CMIP: variants seen among roughly 807,000 people sequenced by gnomAD.
The protein encoded by CMIP is c-Maf inducing protein.
Under a neutral mutation model 97.3 loss-of-function variants are expected in CMIP, and 13 were observed. That is an observed-to-expected ratio of 0.13 (90% CI 0.09 to 0.21). CMIP has a LOEUF of 0.21. Among genes scored for constraint, CMIP ranks in the 10% least tolerant of loss-of-function variants. The pLI, the probability that CMIP is intolerant of heterozygous loss-of-function variation, is 1.00. For synonymous variants in CMIP, 538 were observed against 436.3 expected, an observed-to-expected ratio of 1.23 and a Z score of -2.91; for missense variants, 847 against 1,024.9, an observed-to-expected ratio of 0.83 and a Z score of 2.37.
At chr16:81,629,771 C>T (rs1054682290) in intron 3 of CMIP, among the ~76,000 whole-genome samples, 3 of 152,246 alleles carry the variant, frequency 2.0e-5, no homozygotes, top group Non-Finnish European at 2.9e-5. Flanking sequence ...GGGAGGCTTC[C>T]TAATGGCTGC....
At position 81,657,808 on chromosome 16, in the gene CMIP, A is replaced by G. The variant is rs778996586; in HGVS notation, c.673A>G (p.Ile225Val). 1.9e-6 allele frequency: 3 copies of G among 1,607,676 alleles called. No individual in the cohort carries two copies. The highest frequency in any genetic ancestry group is 2.5e-6 in the Non-Finnish European group (3 of 1,177,122). Reference sequence around the variant, plus strand: ...CTTGACCACCCAGGAGCATGAAAACATCATTGTGGTAAGTTCCTCTCGAAC... The same window carrying G: ...CTTGACCACCCAGGAGCATGAAAACGTCATTGTGGTAAGTTCCTCTCGAAC... ...TNLTTQEHEN[I>V]IVAIAPLLEN... is the part of the protein sequence containing the mutation. The change falls in exon 5 of 21, where the codon ATC (isoleucine) becomes GTC (valine). Residue 225 changes from isoleucine to valine, a missense_variant. By Grantham distance (29) the Ile-to-Val change is conservative (BLOSUM62 3). Coordinates refer to ENST00000537098, the MANE Select transcript of CMIP (RefSeq NM_198390.3).
chr16:81,604,266 C>G (rs890302056), intron 1 of CMIP, among the ~76,000 whole-genome samples: 9 of 151,120 alleles, frequency 6.0e-5, no homozygotes, highest in African/African-American at 2.2e-4. Context: ...CGTGGTGGCG[C>G]ACGCCTGTAA....
chr16:81,622,279 G>A (rs573581761), intron 3 of CMIP: 2 of 152,298 alleles, frequency 1.3e-5, no homozygotes, highest in African/African-American at 2.4e-5. Context: ...AGTAGAGTGG[G>A]AAGGCATAGA....
chr16:81,534,857 A>G (rs1338607225), intron 1 of CMIP, among the ~76,000 whole-genome samples: 2 of 152,202 alleles, frequency 1.3e-5, no homozygotes, highest in South Asian at 4.1e-4. Context: ...TTTTTCAAAT[A>G]TGTGCTAAGT....
chr16:81,601,421 G>A (rs1426816805), intron 1 of CMIP, among the ~76,000 whole-genome samples: 2 of 152,122 alleles, frequency 1.3e-5, no homozygotes, highest in Non-Finnish European at 2.9e-5. Context: ...TCTTTCTGGG[G>A]GGGTCAGCTC....
chr16:81,676,778 C>A (rs1904324131), intron 9 of CMIP, among the ~76,000 whole-genome samples: 1 of 152,172 alleles, frequency 6.6e-6, no homozygotes, highest in South Asian at 2.1e-4. Context: ...TGCACACAGC[C>A]CTTGGAGGGG....
Position 81,652,067 on chromosome 16 carries a change from T to C in CMIP, c.478-136T>C. The C allele has an allele frequency of 1.5e-6, 1 of 663,114 alleles. No individual in the cohort carries two copies. Among genetic ancestry groups the C allele is most frequent in the Non-Finnish European group, 2.6e-6 (1 of 391,680 alleles). 41.1% of individuals were successfully genotyped at this position (663,114 alleles called of 1,614,324 possible). ...CTCTCTCGGGGTGTCAGTTTCCTTA[T>C]AAACGGGGACTGGGCCAAGTTGTCA... On this transcript the variant is annotated intron_variant, in intron 3 of 20. Transcript: ENST00000537098. The surrounding 1 kb of genome is among the most constrained non-coding windows in gnomAD (Gnocchi z 5.2).
At chr16:81,476,432 G>A (rs1225889719) in intron 1 of CMIP, 9 of 988,608 alleles carry the variant, frequency 9.1e-6, no homozygotes, top group African/African-American at 7.8e-5. Context: ...GCTGTCTTTG[G>A]AAACTTGTTT....
chr16:81,641,447 C>G (rs1370058179), intron 3 of CMIP, among the ~76,000 whole-genome samples: 1 of 152,118 alleles, frequency 6.6e-6, no homozygotes, highest in Non-Finnish European at 1.5e-5. Flanking sequence ...CAAACAGCAT[C>G]TGCGTGATGA....
intron 1 of CMIP, among the ~76,000 whole-genome samples, chr16:81,516,305 T>A (rs575912915): frequency 1.3e-5 from 2 of 152,240 alleles, no homozygotes; most frequent in African/African-American, 4.8e-5. Flanking sequence ...AAAATACACA[T>A]GGAATCGCGC....
At chr16:81,666,728 G>A (rs533962096) in intron 7 of CMIP, 10 of 152,280 alleles carry the variant, frequency 6.6e-5, no homozygotes, top group Admixed American at 2.0e-4. Context: ...CATGAGCGGC[G>A]GCGGCAGAGG....
intron 1 of CMIP, among the ~76,000 whole-genome samples, chr16:81,602,141 G>C (rs1461366868): frequency 6.6e-6 from 1 of 152,150 alleles, no homozygotes; most frequent in African/African-American, 2.4e-5. Flanking sequence ...TGAGGGAGGG[G>C]GTGAGAGCAG....
At chr16:81,496,520 A>G (rs1202210025) in intron 1 of CMIP, among the ~76,000 whole-genome samples, 1 of 152,248 alleles carries the variant, frequency 6.6e-6, no homozygotes, top group Non-Finnish European at 1.5e-5. Flanking sequence ...ATCAAATCAG[A>G]TTTATGGTTG....
At chr16:81,488,864 G>A (rs1340448123) in intron 1 of CMIP, among the ~76,000 whole-genome samples, 1 of 152,178 alleles carries the variant, frequency 6.6e-6, no homozygotes. Context: ...AGAATCAGAT[G>A]TGAGCCACTG....
rs577835099 is a variant in CMIP, at chr16:81,511,375, C to G, written c.300+65834C>G. Among the ~76,000 whole-genome samples the G allele has an allele frequency of 2.0e-5, 3 of 152,228 alleles. No individual in the cohort carries two copies. The East Asian group carries it at 5.8e-4, about 29-fold the overall frequency. On this transcript the variant is annotated intron_variant, in intron 1 of 20. Coordinates refer to ENST00000537098, the MANE Select transcript of CMIP (RefSeq NM_198390.3). ...TCATGATTTTTACTATTGGTTTGCTCATTTAAGATTCCGGACGTGGTCTAC... is the reference window on the plus strand; with the variant it reads ...TCATGATTTTTACTATTGGTTTGCTGATTTAAGATTCCGGACGTGGTCTAC...
chr16:81,667,331 A>C (rs930507534), intron 7 of CMIP: 2 of 152,194 alleles, frequency 1.3e-5, no homozygotes, highest in Non-Finnish European at 2.9e-5. Context: ...AATTCGCCAA[A>C]CTGCGTTCTG....
At chr16:81,667,950 G>A (rs1198677315) in intron 7 of CMIP, among the ~76,000 whole-genome samples, 1 of 151,918 alleles carries the variant, frequency 6.6e-6, no homozygotes, top group African/African-American at 2.4e-5. Context: ...AGCTCCCCCT[G>A]CACTGTCTCT....
At chr16:81,548,489 C>A (rs1307226104) in intron 1 of CMIP, among the ~76,000 whole-genome samples, 1 of 152,146 alleles carries the variant, frequency 6.6e-6, no homozygotes, top group East Asian at 1.9e-4. Context: ...TTGGCACCAT[C>A]CCTGGCCTCC....
At chr16:81,577,148 C>T (rs1298007918) in intron 1 of CMIP, among the ~76,000 whole-genome samples, 2 of 146,728 alleles carry the variant, frequency 1.4e-5, no homozygotes, top group Admixed American at 1.3e-4. Flanking sequence ...TCACCACCAT[C>T]ATCCCCATTA....
Sources: allele counts gnomAD v4.1 joint callset (sites outside exome capture counted in the v4.1 genomes callset), GRCh38; gene constraint gnomAD v4.1.1; non-coding constraint Gnocchi (gnomAD v3.1); transcripts MANE v1.5; gene names NCBI Gene and HGNC (gene_info 2026-07-23, HGNC 2026-07-21).